SMCHD1: variants seen among roughly 807,000 people sequenced by gnomAD.
The protein encoded by SMCHD1 is structural maintenance of chromosomes flexible hinge domain-containing protein 1.
In SMCHD1, 78 loss-of-function variants were observed where a neutral mutation model predicts 254.7. The ratio of observed to expected loss-of-function variants is 0.31; its 90% CI spans 0.26 to 0.37. The LOEUF is 0.37. Ranked by LOEUF, SMCHD1 falls within the 10% of genes least tolerant of loss-of-function variation. The pLI, the probability that SMCHD1 is intolerant of heterozygous loss-of-function variation, is 1.00. For synonymous variants in SMCHD1, 766 were observed against 794.9 expected (o/e 0.96, Z 0.61); for missense variants, 1,840 against 2,408.1 (o/e 0.76, Z 4.94).
At chr18:2,747,182 T>A (rs764056524) in intron 29 of SMCHD1, among the ~76,000 whole-genome samples, 3 of 152,212 alleles carry the variant, frequency 2.0e-5, no homozygotes, top group Non-Finnish European at 4.4e-5. Flanking sequence ...TAAAGATGAT[T>A]TCAAGTGTAT....
At chr18:2,720,745 A>G (rs942287655) in intron 19 of SMCHD1, among the ~76,000 whole-genome samples, 1 of 152,114 alleles carries the variant, frequency 6.6e-6, no homozygotes, top group Non-Finnish European at 1.5e-5. Context: ...ATTTTCAATA[A>G]ACACTTTCCT....
At chr18:2,755,008 C>T (rs917060719) in intron 34 of SMCHD1, among the ~76,000 whole-genome samples, 4 of 151,846 alleles carry the variant, frequency 2.6e-5, no homozygotes, top group African/African-American at 7.3e-5. Flanking sequence ...GTATATTGAC[C>T]TTGTAGCAGT....
rs1371514625 is a variant in SMCHD1, at chr18:2,803,389, G to GTACTT, written c.*839_*843dup. On this transcript the variant is annotated 3_prime_UTR_variant, in exon 48 of 48. Transcript: ENST00000320876. ...AGAGAACATACATTCTCACATTAGT[G>GTACTT]TACTTTCTGGTAGAAAGTTGCTGCA... 1.3e-5 allele frequency: 2 copies of GTACTT among 151,544 alleles called. No homozygotes were observed. The highest frequency in any genetic ancestry group is 4.8e-5 in the African/African-American group (2 of 41,332). The allele number at this position is 151,544 out of a possible 1,614,324, so 9.4% of individuals were successfully genotyped here.
chr18:2,758,793 CTCCCCTGCCCCCACCCCA>C (rs892313774), intron 34 of SMCHD1, among the ~76,000 whole-genome samples: 8 of 152,012 alleles, frequency 5.3e-5, no homozygotes, highest in Non-Finnish European at 8.8e-5. Context: ...TGGTTGGTTC[CTCCCCTGCCCCCACCCCA>C]TCCCCTGCCC....
At chr18:2,673,713 A>AT (rs2073673177) in intron 4 of SMCHD1, among the ~76,000 whole-genome samples, 1 of 151,776 alleles carries the variant, frequency 6.6e-6, no homozygotes, top group South Asian at 2.1e-4. Context: ...TTTTTTCTGT[A>AT]TTTTTGCCAC....
At chr18:2,685,153 GCAGTGGT>G (rs1336110817) in intron 5 of SMCHD1, among the ~76,000 whole-genome samples, 1 of 135,360 alleles carries the variant, frequency 7.4e-6, no homozygotes, top group Non-Finnish European at 1.5e-5. Context: ...AGGCCGGACT[GCAGTGGT>G]GCTATCTCGG....
At chr18:2,719,821 G>C (rs1360594568) in intron 19 of SMCHD1, among the ~76,000 whole-genome samples, 1 of 151,604 alleles carries the variant, frequency 6.6e-6, no homozygotes, top group Non-Finnish European at 1.5e-5. Flanking sequence ...GATTACAGGC[G>C]TATGCCACCA....
chr18:2,727,968 T>C (rs934143527), intron 22 of SMCHD1, among the ~76,000 whole-genome samples: 1 of 152,030 alleles, frequency 6.6e-6, no homozygotes, highest in Admixed American at 6.5e-5. Flanking sequence ...TAAAGGAAAT[T>C]TGTGATGTTA....
chr18:2,782,744 CAAAAAAAAAAAAAAAA>C (rs779083565), intron 44 of SMCHD1, among the ~76,000 whole-genome samples: 13 of 44,980 alleles, frequency 2.9e-4, no homozygotes, highest in Middle Eastern at 0.016. Context: ...GACCACAACT[CAAAAAAAAAAAAAAAA>C]AAAAAAAAAA....
At chr18:2,714,278 T>A (rs1359765267) in intron 17 of SMCHD1, among the ~76,000 whole-genome samples, 1 of 152,212 alleles carries the variant, frequency 6.6e-6, no homozygotes, top group East Asian at 1.9e-4. Flanking sequence ...TCTATTTTAT[T>A]TGATATCAGC....
chr18:2,655,994 C>G lies in SMCHD1; in HGVS notation c.-82C>G. ...CCTCGAGCCGCCCCGGGAGCTGGAG[C>G]TGAAGGCGCCGCGCGGAGCGCGCAC... On this transcript the variant is annotated 5_prime_UTR_variant, in exon 1 of 48. Coordinates refer to ENST00000320876, the MANE Select transcript of SMCHD1 (RefSeq NM_015295.3). 8.5e-7 allele frequency: 1 copy of G among 1,176,362 alleles called. No individual in the cohort carries two copies. The highest frequency in any genetic ancestry group is 1.1e-6 in the Non-Finnish European group (1 of 934,140). 72.9% of individuals were successfully genotyped at this position (1,176,362 alleles called of 1,614,324 possible).
rs544959035 is a variant in SMCHD1 at position 2,775,696 on chromosome 18, G to C, written c.5176-38G>C. On this transcript the variant is annotated intron_variant, in intron 41 of 47. Coordinates refer to ENST00000320876, the MANE Select transcript of SMCHD1 (RefSeq NM_015295.3). ...ACATAATATCAAATTTTTATATATG[G>C]ATTTTATATTTTTTTACTTTATGAA... The C allele has an allele frequency of 1.3e-4, 201 of 1,542,468 alleles. No homozygotes were observed. In the East Asian group the frequency reaches 4.6e-3, roughly 35 times the overall value.
chr18:2,708,950 C>G (rs1292676890), intron 17 of SMCHD1, among the ~76,000 whole-genome samples: 2 of 124,950 alleles, frequency 1.6e-5, no homozygotes, highest in African/African-American at 6.1e-5. Flanking sequence ...TAAGTACATT[C>G]ATATTGTTGT....
rs1216166160 is a variant in SMCHD1 at position 2,656,141 on chromosome 18, C to T, written c.66C>T (p.Gly22=). The change falls in exon 1 of 48, where the codon GGC becomes GGT. Residue 22 remains glycine, a synonymous_variant. Coordinates refer to ENST00000320876, the MANE Select transcript of SMCHD1 (RefSeq NM_015295.3). The part of the protein sequence containing the change: ...ASVGTEEDGG[G]VGHRTVYLFD... ...TGGGGACTGAGGAGGATGGCGGAGG[C>T]GTCGGCCACAGGACGGTGTACTTGT... 2.7e-6 allele frequency: 4 copies of T among 1,497,528 alleles called. No homozygotes were observed. The African/African-American group carries it at 4.4e-5, about 16-fold the overall frequency. The allele number at this position is 1,497,528 out of a possible 1,614,324, so 92.8% of individuals were successfully genotyped here.
intron 27 of SMCHD1, among the ~76,000 whole-genome samples, chr18:2,739,988 G>T (rs564162594): frequency 6.6e-6 from 1 of 151,462 alleles, no homozygotes; most frequent in South Asian, 2.1e-4. Context: ...GAACGTGCAG[G>T]TTTGTTACAT....
intron 3 of SMCHD1, among the ~76,000 whole-genome samples, chr18:2,671,059 C>T (rs2073584585): frequency 6.6e-6 from 1 of 151,178 alleles, no homozygotes; most frequent in Non-Finnish European, 1.5e-5. Context: ...GCCTCAGCCT[C>T]CCAAGTAGCT....
rs2074863025 is a variant in SMCHD1, at chr18:2,718,955, A to G, written c.2458+521A>G. Reference sequence around the variant, plus strand: ...CTTTTCATTGTTGCTGGTAAAGTCTAAAGCTGTCCTGATTCCTGACCCTGG... The same window carrying G: ...CTTTTCATTGTTGCTGGTAAAGTCTGAAGCTGTCCTGATTCCTGACCCTGG... On this transcript the variant is annotated intron_variant, in intron 19 of 47. Coordinates refer to ENST00000320876, the MANE Select transcript of SMCHD1 (RefSeq NM_015295.3). This position sits in a 1 kb window ranked among gnomAD's most constrained non-coding sequence, Gnocchi z 4.6. Among the ~76,000 whole-genome samples the G allele has an allele frequency of 6.6e-6, 1 of 152,030 alleles. No homozygotes were observed. The highest frequency in any genetic ancestry group is 2.4e-5 in the African/African-American group (1 of 41,384).
intron 21 of SMCHD1, among the ~76,000 whole-genome samples, chr18:2,726,197 G>T (rs1204910193): frequency 6.6e-6 from 1 of 151,874 alleles, no homozygotes; most frequent in Admixed American, 6.6e-5. Context: ...ATCCTAAAAT[G>T]ATATTCCTAT....
chr18:2,745,527 T>C (rs2075437566), intron 29 of SMCHD1, among the ~76,000 whole-genome samples: 1 of 152,222 alleles, frequency 6.6e-6, no homozygotes, highest in Non-Finnish European at 1.5e-5. Flanking sequence ...GTGTGTTGAC[T>C]AAAGGGTTTT....
Sources: gnomAD v4.1 joint callset for allele counts (sites outside exome capture counted in the v4.1 genomes callset) on GRCh38, gnomAD v4.1.1 for gene constraint, Gnocchi (gnomAD v3.1) non-coding constraint, MANE v1.5 for transcripts, NCBI Gene and HGNC (gene_info 2026-07-23, HGNC 2026-07-21) for gene names.